PHF13: variants seen among roughly 807,000 people sequenced by gnomAD.
PHF13 encodes PHD finger protein 13.
Under a neutral mutation model 25.8 loss-of-function variants are expected in PHF13, and 1 was observed. The observed-to-expected ratio is 0.04, with a 90% CI of 0.01 to 0.18. The LOEUF (loss-of-function observed/expected upper bound fraction) is 0.18, where lower values mean the gene tolerates loss of function less well. Ranked by LOEUF, PHF13 falls within the 10% of genes least tolerant of loss-of-function variation. The pLI, the probability that PHF13 is intolerant of heterozygous loss-of-function variation, is 1.00. For synonymous variants in PHF13, 195 were observed against 162.4 expected, an observed-to-expected ratio of 1.20 and a Z score of -1.53; for missense variants, 306 against 403.2, an observed-to-expected ratio of 0.76 and a Z score of 2.06.
At position 6,614,047 on chromosome 1, in the gene PHF13, C is replaced by G. The variant is rs748364563; in HGVS notation, c.-20C>G. The G allele has an allele frequency of 1.3e-5, 20 of 1,590,256 alleles. No individual in the cohort carries two copies. In the South Asian group the frequency reaches 2.2e-4, roughly 18 times the overall value. On this transcript the variant is annotated 5_prime_UTR_variant, in exon 1 of 4. Transcript: ENST00000377648. ...CCAGCTCCTGCACTCTCGCAGCCGCCGCCGCCCCCCGCCCGGAACATGGAC... is the reference window on the plus strand; with the variant it reads ...CCAGCTCCTGCACTCTCGCAGCCGCGGCCGCCCCCCGCCCGGAACATGGAC...
chr1:6,615,532 G>A (rs1641248012), intron 1 of PHF13, among the ~76,000 whole-genome samples: 1 of 152,164 alleles, frequency 6.6e-6, no homozygotes, highest in Admixed American at 6.5e-5. Context: ...CGGGAGGGGC[G>A]GCCCGAGACC....
rs141828484 is a variant in PHF13 at position 6,614,096 on chromosome 1, C to T, written c.30C>T (p.Phe10=). Residue 10 remains phenylalanine, a synonymous_variant, in exon 1 of 4, where the codon TTC becomes TTT. Transcript: ENST00000377648. Reference sequence around the variant, plus strand: ...ACTCTGACTCTTGCGCCGCCGCCTTCCACCCGGAGGTGAGTGAAGCTGTGC... The same window carrying T: ...ACTCTGACTCTTGCGCCGCCGCCTTTCACCCGGAGGTGAGTGAAGCTGTGC... MDSDSCAAA[F]HPEEYSPSCK... 4.4e-6 allele frequency: 7 copies of T among 1,600,384 alleles called. No homozygotes were observed. In the African/African-American group the frequency reaches 9.6e-5, roughly 22 times the overall value.
In PHF13 at chr1:6,622,226, G is replaced by A. The variant is rs111396784; in HGVS notation, c.*589G>A. The A allele has an allele frequency of 1.6e-3, 263 of 161,972 alleles. 1 individual carries two copies. The highest frequency in any genetic ancestry group is 4.9e-3 in the African/African-American group (204 of 41,712). 10.0% of individuals were successfully genotyped at this position (161,972 alleles called of 1,614,324 possible). ...TCCCCTGGAAGGGCGCTGGGCTGGC[G>A]GGTCAGCTGGTGGTTCTTAGGTTTC... On this transcript the variant is annotated 3_prime_UTR_variant, in exon 4 of 4. Transcript: ENST00000377648.
Position 6,620,579 on chromosome 1 carries a change from T to C in PHF13, c.676+242T>C, listed in dbSNP as rs77836907. Among the ~76,000 whole-genome samples the C allele has an allele frequency of 8.0e-3, 1,213 of 152,270 alleles. 15 individuals are homozygous for C. Among genetic ancestry groups the C allele is most frequent in the African/African-American group, 0.028 (1,146 of 41,556 alleles). On this transcript the variant is annotated intron_variant, in intron 3 of 3. Coordinates refer to ENST00000377648, the MANE Select transcript of PHF13 (RefSeq NM_153812.3). ...TTAGAACATAAAAAGGGTATAGTTC[T>C]AAGTAAGCATCCAGGTAAGCATCCA...
rs1317841209 is a variant in PHF13 at position 6,620,157 on chromosome 1, G to A, written c.496G>A (p.Asp166Asn). 1.2e-6 allele frequency: 2 copies of A among 1,613,888 alleles called. No individual in the cohort carries two copies. The highest frequency in any genetic ancestry group is 1.6e-4 in the Middle Eastern group (1 of 6,062). ...TLQDIPQAPSDPCSGWDSDTP... is the reference protein window; with the variant it reads ...TLQDIPQAPSNPCSGWDSDTP... ...GCAGGATATCCCCCAGGCTCCCAGCGACCCCTGCTCGGGCTGGGACTCCGA... is the reference window on the plus strand; with the variant it reads ...GCAGGATATCCCCCAGGCTCCCAGCAACCCCTGCTCGGGCTGGGACTCCGA... The change falls in exon 3 of 4, where the codon GAC (aspartate) becomes AAC (asparagine). Residue 166 changes from aspartate to asparagine, a missense_variant. This residue lies in a region of PHF13 where 186 missense variants were observed against 164.0 expected (regional missense o/e 1.13). Coordinates refer to ENST00000377648, the MANE Select transcript of PHF13 (RefSeq NM_153812.3).
intron 1 of PHF13, 56 bp from the exon 2 acceptor site, chr1:6,616,701 G>GA: frequency 6.8e-7 from 1 of 1,461,476 alleles, no homozygotes; most frequent in Non-Finnish European, 9.6e-7. Flanking sequence ...TTGTTTCTGT[G>GA]ATTCCGCCTG....
At chr1:6,616,363 T>G (rs1211101362) in intron 1 of PHF13, among the ~76,000 whole-genome samples, 3 of 152,160 alleles carry the variant, frequency 2.0e-5, no homozygotes, top group African/African-American at 7.2e-5. Flanking sequence ...CATACATCAG[T>G]TCCAGCTGCT....
chr1:6,613,965 C>T lies in PHF13; in HGVS notation c.-102C>T, dbSNP rs1641209795. The T allele has an allele frequency of 2.6e-6, 2 of 766,666 alleles. No individual in the cohort carries two copies. Among genetic ancestry groups the T allele is most frequent in the Admixed American group, 2.7e-5 (1 of 37,498 alleles). The allele number at this position is 766,666 out of a possible 1,614,324, so 47.5% of individuals were successfully genotyped here. A position where few individuals can be genotyped will look rare whatever the true frequency, so the allele number is the denominator to read the frequency against. On this transcript the variant is annotated 5_prime_UTR_variant, in exon 1 of 4. Coordinates refer to ENST00000377648, the MANE Select transcript of PHF13 (RefSeq NM_153812.3). ...GCCCGGGCGACCCCTCCCGGGTCCG[C>T]CCTCGCCCTGCGCAGCCGCCCGAGC...
At chr1:6,619,684 G>T (rs1468101613) in intron 2 of PHF13, 119 bp from the exon 3 acceptor site, 16 of 1,052,948 alleles carry the variant, frequency 1.5e-5, no homozygotes, top group South Asian at 1.2e-4. Flanking sequence ...GATGGGCAGA[G>T]AAGCTCAAAG....
chr1:6,619,862 C>T lies in PHF13; in HGVS notation c.201C>T (p.Ser67=), dbSNP rs745566800. ...ACAGCACTGCTGGTACCATTGACAG[C>T]GACGGCTGGGACGCGGGTTTCTCAG... ...PANSTAGTID[S]DGWDAGFSDI... Residue 67 remains serine (S), a synonymous_variant, in exon 3 of 4, where the codon AGC becomes AGT. Coordinates refer to ENST00000377648, the MANE Select transcript of PHF13 (RefSeq NM_153812.3). 75 of 1,613,514 alleles carry T rather than the reference C, an allele frequency of 4.6e-5. No homozygotes were observed. The highest frequency in any genetic ancestry group is 2.2e-4 in the South Asian group (20 of 91,038).
intron 1 of PHF13, among the ~76,000 whole-genome samples, chr1:6,615,294 C>T (rs1010390406): frequency 2.6e-5 from 4 of 152,206 alleles, no homozygotes; most frequent in Non-Finnish European, 5.9e-5. Context: ...AAGTTCTTCG[C>T]GGGAGTTGGA....
Position 6,613,892 on chromosome 1 carries a change from G to T in PHF13, c.-175G>T. On this transcript the variant is annotated 5_prime_UTR_variant, in exon 1 of 4. Transcript: ENST00000377648. ...GGTCGGCGGTGGAACCGCCAGTCCG[G>T]GGTCACAGAGCTTGAGAAGCGACGC... is the stretch of plus-strand genomic sequence containing the variant. 1 of 520,950 alleles carries T rather than the reference G, an allele frequency of 1.9e-6. No homozygotes were observed. Among genetic ancestry groups the T allele is most frequent in the Non-Finnish European group, 3.3e-6 (1 of 298,582 alleles). 32.3% of individuals were successfully genotyped at this position (520,950 alleles called of 1,614,324 possible).
chr1:6,618,376 A>G (rs1377586831), intron 2 of PHF13, among the ~76,000 whole-genome samples: 2 of 152,150 alleles, frequency 1.3e-5, no homozygotes, highest in Non-Finnish European at 2.9e-5. Context: ...CAAGTGACCC[A>G]CCTGCCTTGG....
rs531625430 is a variant in PHF13 at position 6,621,943 on chromosome 1, A to T, written c.*306A>T. ...GTCCGTGGTAGCTGTGCGTTTTGCTATCATTGCTAAGAGATTCCCGCTGAT... is the reference window on the plus strand; with the variant it reads ...GTCCGTGGTAGCTGTGCGTTTTGCTTTCATTGCTAAGAGATTCCCGCTGAT... On this transcript the variant is annotated 3_prime_UTR_variant, in exon 4 of 4. Coordinates refer to ENST00000377648, the MANE Select transcript of PHF13 (RefSeq NM_153812.3). This position sits in a 1 kb window ranked among gnomAD's most constrained non-coding sequence, Gnocchi z 4.8. The T allele has an allele frequency of 4.5e-6, 2 of 446,288 alleles. No individual in the cohort carries two copies. Among genetic ancestry groups the T allele is most frequent in the Admixed American group, 6.9e-5 (2 of 29,182 alleles). 27.6% of individuals were successfully genotyped at this position (446,288 alleles called of 1,614,324 possible).
rs1641359113 is a variant in PHF13, at chr1:6,622,758, G to C, written c.*1121G>C. ...GCCTTCAGGATGACCCCTTGGAACT[G>C]TGCCGAGTTCCTTAAATCTCAGCTG... On this transcript the variant is annotated 3_prime_UTR_variant, in exon 4 of 4. Transcript: ENST00000377648. The C allele has an allele frequency of 2.0e-5, 3 of 152,246 alleles. No individual in the cohort carries two copies. Among genetic ancestry groups the C allele is most frequent in the Admixed American group, 2.0e-4 (3 of 15,272 alleles). 9.4% of individuals were successfully genotyped at this position (152,246 alleles called of 1,614,324 possible). A position where few individuals can be genotyped will look rare whatever the true frequency, so the allele number is the denominator to read the frequency against.
At chr1:6,617,124 A>G (rs560312363) in intron 2 of PHF13, among the ~76,000 whole-genome samples, 36 of 152,288 alleles carry the variant, frequency 2.4e-4, no homozygotes, top group African/African-American at 8.2e-4. Flanking sequence ...TTTTTTTGGA[A>G]TGGAAACTTG....
In PHF13 at chr1:6,621,200, G is replaced by A. The variant is rs1641333899; in HGVS notation, c.677-211G>A. Among the ~76,000 whole-genome samples, 2 of 149,766 alleles carry A rather than the reference G, an allele frequency of 1.3e-5. No individual in the cohort carries two copies. The highest frequency in any genetic ancestry group is 3.0e-5 in the Non-Finnish European group (2 of 67,694). On this transcript the variant is annotated intron_variant, in intron 3 of 3. Transcript: ENST00000377648. The surrounding 1 kb of genome is among the most constrained non-coding windows in gnomAD (Gnocchi z 4.8). ...GTGACAGAGTGAGACCCTGTCTTAG[G>A]GAAAAAAAAAAAAAAGTAAGCATCT...
In PHF13 at chr1:6,622,368, C is replaced by CT. The variant is rs1404568158; in HGVS notation, c.*732dup. 6.5e-6 allele frequency: 1 copy of CT among 153,196 alleles called. No individual in the cohort carries two copies. The highest frequency in any genetic ancestry group is 1.5e-5 in the Non-Finnish European group (1 of 68,590). 9.5% of individuals were successfully genotyped at this position (153,196 alleles called of 1,614,324 possible). ...TCCTGTTTTGCACGATGTAAAAACC[C>CT]TGTCTTTTTGCACGATACAGCCAAA... On this transcript the variant is annotated 3_prime_UTR_variant, in exon 4 of 4. Transcript: ENST00000377648.
chr1:6,613,860 C>G lies in PHF13; in HGVS notation c.-207C>G, dbSNP rs955684212. The G allele has an allele frequency of 4.0e-6, 2 of 500,346 alleles. No individual in the cohort carries two copies. The highest frequency in any genetic ancestry group is 3.7e-5 in the East Asian group (1 of 26,968). The allele number at this position is 500,346 out of a possible 1,614,324, so 31.0% of individuals were successfully genotyped here. On this transcript the variant is annotated 5_prime_UTR_variant, in exon 1 of 4. Coordinates refer to ENST00000377648, the MANE Select transcript of PHF13 (RefSeq NM_153812.3). ...TCTACCGCCGCGGGAGCTGCATCGT[C>G]CACTCCGGTCGGCGGTGGAACCGCC...
Sources: gnomAD v4.1 joint callset for allele counts (sites outside exome capture counted in the v4.1 genomes callset) on GRCh38, gnomAD v4.1.1 for gene constraint, gnomAD v4.1.1 regional missense constraint, Gnocchi (gnomAD v3.1) non-coding constraint, MANE v1.5 for transcripts, NCBI Gene and HGNC (gene_info 2026-07-23, HGNC 2026-07-21) for gene names.